Variants in ZBTB1 observed in about 807,000 individuals in gnomAD.
ZBTB1 encodes the protein zinc finger and BTB domain-containing protein 1.
ZBTB1 carries 13 observed loss-of-function variants against 51.6 expected under a neutral mutation model. The observed-to-expected ratio is 0.25, with a 90% CI of 0.16 to 0.40. The LOEUF (loss-of-function observed/expected upper bound fraction) is 0.40. Among genes scored for constraint, ZBTB1 ranks in the 10% least tolerant of loss-of-function variants. The pLI, the probability that ZBTB1 is intolerant of heterozygous loss-of-function variation, is 1.00. For missense variants in ZBTB1, 567 were observed against 856.5 expected (o/e 0.66, Z 4.22); for synonymous variants, 240 against 282.2 (o/e 0.85, Z 1.50).
chr14:64,531,909 T>A (rs1268384572), exon 3 of ZBTB1: 1 of 1,613,582 alleles, frequency 6.2e-7, no homozygotes, highest in Non-Finnish European at 8.5e-7. Context: ...AGATCTGAAT[T>A]TGGAGAGGAC....
rs779363558 is a variant in ZBTB1, at chr14:64,522,575, C to A, written c.1071C>A (p.Asp357Glu). 6 of 1,613,710 alleles carry A rather than the reference C, an allele frequency of 3.7e-6. No homozygotes were observed. The South Asian group carries it at 5.5e-5, about 15-fold the overall frequency. Residue 357 changes from aspartate to glutamate, a missense_variant, in exon 2 of 2, where the codon GAC (aspartate) becomes GAA (glutamate). By Grantham distance (45) the Asp-to-Glu change is conservative (BLOSUM62 2). This residue lies in a region of ZBTB1 where 329 missense variants were observed against 406.3 expected (regional missense o/e 0.81). Transcript: ENST00000683701. ...ATAAAGACTGTAATGAATCCACTGA[C>A]AATGATGAATTAGAAGATGAACCTG... is the stretch of plus-strand genomic sequence containing the variant. Reference protein sequence around the residue: ...VTDKDCNESTDNDELEDEPEE... With the variant: ...VTDKDCNESTENDELEDEPEE...
chr14:64,533,368 C>T (rs2079957682), exon 3 of ZBTB1: 1 of 152,294 alleles, frequency 6.6e-6, no homozygotes, highest in Non-Finnish European at 1.5e-5. Flanking sequence ...GACCTCTAAA[C>T]ATAAGTAGGA....
chr14:64,518,927 T>G (rs1477382344), intron 1 of ZBTB1, among the ~76,000 whole-genome samples: 2 of 141,726 alleles, frequency 1.4e-5, no homozygotes, highest in Non-Finnish European at 1.5e-5. Context: ...TATATATATA[T>G]ATATATATAG....
At position 64,515,845 on chromosome 14, in the gene ZBTB1, C is replaced by G. The variant is rs2079778314; in HGVS notation, c.-18-5642C>G. ...CAAAAATTTTTAATGAAAAAATTAT[C>G]TTCAAGAGATAAGCTAAAAGTCTCA... On this transcript the variant is annotated intron_variant, in intron 1 of 1. Transcript: ENST00000683701. Among the ~76,000 whole-genome samples, 3 of 152,130 alleles carry G rather than the reference C, an allele frequency of 2.0e-5. No homozygotes were observed. In the South Asian group the frequency reaches 6.2e-4, roughly 32 times the overall value.
chr14:64,510,757 T>TA (rs2079716386), intron 1 of ZBTB1, among the ~76,000 whole-genome samples: 1 of 152,156 alleles, frequency 6.6e-6, no homozygotes, highest in Admixed American at 6.5e-5. Context: ...AGTCTGAAGA[T>TA]ATGTGAGGGG....
intron 1 of ZBTB1, among the ~76,000 whole-genome samples, chr14:64,518,906 A>G (rs1186353482): frequency 6.3e-5 from 5 of 79,298 alleles, no homozygotes; most frequent in Admixed American, 1.1e-4. Context: ...GCAGAGAGGT[A>G]TATATATATA....
rs757926472 is a variant in ZBTB1 at position 64,522,512 on chromosome 14, A to C, written c.1008A>C (p.Thr336=). 1.6e-5 allele frequency: 26 copies of C among 1,614,194 alleles called. No homozygotes were observed. In the East Asian group the frequency reaches 5.3e-4, roughly 33 times the overall value. The change falls in exon 2 of 2, where the codon ACA becomes ACC. Residue 336 remains threonine, a synonymous_variant. Transcript: ENST00000683701. ...IIKMEPEDIP[T]DELKDFNIIK... Reference sequence around the variant, plus strand: ...AGATGGAGCCAGAAGATATTCCTACAGATGAACTGAAAGACTTTAACATTA... The same window carrying C: ...AGATGGAGCCAGAAGATATTCCTACCGATGAACTGAAAGACTTTAACATTA...
At chr14:64,531,086 C>A (rs1166677818) in intron 2 of ZBTB1, among the ~76,000 whole-genome samples, 1 of 152,138 alleles carries the variant, frequency 6.6e-6, no homozygotes, top group Non-Finnish European at 1.5e-5. Flanking sequence ...GCTTAAAAAG[C>A]CCCTACTTAC....
chr14:64,515,890 T>G (rs1303801903), intron 1 of ZBTB1, among the ~76,000 whole-genome samples: 1 of 152,134 alleles, frequency 6.6e-6, no homozygotes, highest in Non-Finnish European at 1.5e-5. Flanking sequence ...AGATCCCTCC[T>G]CCCCTGCCGC....
intron 1 of ZBTB1, among the ~76,000 whole-genome samples, chr14:64,510,221 A>C (rs2079710725): frequency 6.6e-6 from 1 of 152,250 alleles, no homozygotes; most frequent in African/African-American, 2.4e-5. Context: ...TATACTTAAC[A>C]ATAATTCTTC....
In ZBTB1 at chr14:64,524,847, A is replaced by AGTAG. The variant is rs2079892075; in HGVS notation, c.*1202_*1205dup. 1 of 984,952 alleles carries AGTAG rather than the reference A, an allele frequency of 1.0e-6. No individual in the cohort carries two copies. The highest frequency in any genetic ancestry group is 6.2e-5 in the Admixed American group (1 of 16,256). 61.0% of individuals were successfully genotyped at this position (984,952 alleles called of 1,614,324 possible). On this transcript the variant is annotated 3_prime_UTR_variant, in exon 2 of 2. Coordinates refer to ENST00000683701, the MANE Select transcript of ZBTB1 (RefSeq NM_001123329.2). ...AACAGTTTATCATTTTTTCAGTTAA[A>AGTAG]GTAGTAGTATTGTTAGTTGTTGCTG...
chr14:64,508,799 G>T (rs1205326602), intron 1 of ZBTB1, among the ~76,000 whole-genome samples: 2 of 152,042 alleles, frequency 1.3e-5, no homozygotes, highest in African/African-American at 4.8e-5. Flanking sequence ...ACAAAAAATT[G>T]ATAAGCAAAA....
In ZBTB1 at chr14:64,524,614, TAAATC is replaced by T; in HGVS notation, c.*969_*973del. On this transcript the variant is annotated 3_prime_UTR_variant, in exon 2 of 2. Coordinates refer to ENST00000683701, the MANE Select transcript of ZBTB1 (RefSeq NM_001123329.2). ...TTGAGAAAGCTTCCATGTATATTGA[TAAATC>T]TAATAAAATAAAGAGATCAATTATA... 1 of 982,074 alleles carries T rather than the reference TAAATC, an allele frequency of 1.0e-6. No homozygotes were observed. The highest frequency in any genetic ancestry group is 1.2e-6 in the Non-Finnish European group (1 of 826,908). 60.8% of individuals were successfully genotyped at this position (982,074 alleles called of 1,614,324 possible).
Position 64,522,992 on chromosome 14 carries a change from G to A in ZBTB1, c.1488G>A (p.Glu496=). 10 of 1,614,198 alleles carry A rather than the reference G, an allele frequency of 6.2e-6. No homozygotes were observed. The highest frequency in any genetic ancestry group is 8.5e-6 in the Non-Finnish European group (10 of 1,180,034). Residue 496 remains glutamate (E), a synonymous_variant, in exon 2 of 2, where the codon GAG becomes GAA. Coordinates refer to ENST00000683701, the MANE Select transcript of ZBTB1 (RefSeq NM_001123329.2). ...TGGACTTGGAAGAGAATCCTGATGA[G>A]CAGTCCGAAATAAGAGATATGTTTG... ...EKMDLEENPD[E]QSEIRDMFVE... is the part of the protein sequence containing the mutation.
At chr14:64,528,269 A>C (rs1005157784), downstream of ZBTB1, among the ~76,000 whole-genome samples, 3 of 152,174 alleles carry the variant, frequency 2.0e-5, no homozygotes, top group Non-Finnish European at 4.4e-5. Context: ...CACATGGTTA[A>C]GAATAAAGAA....
At chr14:64,530,512 C>A (rs562565514) in intron 2 of ZBTB1, among the ~76,000 whole-genome samples, 1 of 151,592 alleles carries the variant, frequency 6.6e-6, no homozygotes, top group African/African-American at 2.4e-5. Flanking sequence ...GAGGCTGAGG[C>A]GGGAGAACCG....
Position 64,522,382 on chromosome 14 carries a change from A to C in ZBTB1, c.878A>C (p.Asp293Ala), listed in dbSNP as rs774714285. The change falls in exon 2 of 2, where the codon GAT becomes GCT. Residue 293 changes from aspartate to alanine, a missense_variant. Around this residue, in one of 5 missense-constraint regions of ZBTB1, gnomAD observed 329 missense variants for 406.3 expected, o/e 0.81. Coordinates refer to ENST00000683701, the MANE Select transcript of ZBTB1 (RefSeq NM_001123329.2). ...KYRGDTSQAADDSASTTGSRK... is the reference protein window; with the variant it reads ...KYRGDTSQAAADSASTTGSRK... ...AGAGGAGACACAAGCCAGGCTGCTGATGATTCAGCTTCAACCACTGGAAGC... is the reference window on the plus strand; with the variant it reads ...AGAGGAGACACAAGCCAGGCTGCTGCTGATTCAGCTTCAACCACTGGAAGC... 16 of 1,614,056 alleles carry C rather than the reference A, an allele frequency of 9.9e-6. No homozygotes were observed. The highest frequency in any genetic ancestry group is 5.0e-5 in the Admixed American group (3 of 59,998).
chr14:64,522,356 C>G lies in ZBTB1; in HGVS notation c.852C>G (p.Tyr284Ter). ...CATTTTCTGCACAGACGGACAAATA[C>G]AGAGGAGACACAAGCCAGGCTGCTG... Reference protein sequence around the residue: ...SKTFSAQTDKYRGDTSQAADD... With the variant: ...SKTFSAQTDK Residue 284 changes from tyrosine to a stop codon, truncating the protein, a stop_gained, in exon 2 of 2, where the codon TAC becomes TAG. Transcript: ENST00000683701. LOFTEE classifies it high-confidence loss of function. 6.2e-7 allele frequency: 1 copy of G among 1,614,066 alleles called. No homozygotes were observed. Among genetic ancestry groups the G allele is most frequent in the Non-Finnish European group, 8.5e-7 (1 of 1,180,012 alleles).
At chr14:64,519,091 G>A (rs2079830168) in intron 1 of ZBTB1, among the ~76,000 whole-genome samples, 1 of 150,254 alleles carries the variant, frequency 6.7e-6, no homozygotes, top group Non-Finnish European at 1.5e-5. Flanking sequence ...CTGAAAAGAG[G>A]TGTGTGATCT....
Sources: allele counts gnomAD v4.1 joint callset (sites outside exome capture counted in the v4.1 genomes callset), GRCh38; gene constraint gnomAD v4.1.1; regional missense constraint gnomAD v4.1.1; transcripts MANE v1.5; gene names NCBI Gene and HGNC (gene_info 2026-07-23, HGNC 2026-07-21).